The following FZD4 variants were observed in gnomAD, a reference collection of about 807,000 sequenced individuals.
FZD4 encodes the protein frizzled-4.
In FZD4, 16 loss-of-function variants were observed where a neutral mutation model predicts 37.3. The observed-to-expected ratio is 0.43, with a 90% CI of 0.29 to 0.65. The LOEUF is 0.65. FZD4 is among the 30% of genes least tolerant of loss of function. The pLI is 0.16. For missense variants in FZD4, 599 were observed against 674.3 expected (o/e 0.89, Z 1.24); for synonymous variants, 246 against 254.8 (o/e 0.97, Z 0.33).
In FZD4 at chr11:86,949,836, T is replaced by A. The variant is rs1417373744; in HGVS notation, c.*1306A>T. 3 of 152,658 alleles carry A rather than the reference T, an allele frequency of 2.0e-5. No individual in the cohort carries two copies. The highest frequency in any genetic ancestry group is 7.2e-5 in the African/African-American group (3 of 41,470). The allele number at this position is 152,658 out of a possible 1,614,324, so 9.5% of individuals were successfully genotyped here. On this transcript the variant is annotated 3_prime_UTR_variant, in exon 2 of 2. Coordinates refer to ENST00000531380, the MANE Select transcript of FZD4 (RefSeq NM_012193.4). The stretch of plus-strand genomic sequence containing the variant: ...ACCATATAAATACTCCAGGCCACAC[T>A]GCCTCCAGTGAAATCTTACAAGGAG...
rs995566875 is a variant in FZD4 at position 86,950,119 on chromosome 11, C to A, written c.*1023G>T. On this transcript the variant is annotated 3_prime_UTR_variant, in exon 2 of 2. Transcript: ENST00000531380. ...TGTGCTTTTAATTGTAATTGACACACAAAAATTACACAGCTAATCTGTGTG... is the reference window on the plus strand; with the variant it reads ...TGTGCTTTTAATTGTAATTGACACAAAAAAATTACACAGCTAATCTGTGTG... 1.3e-5 allele frequency: 2 copies of A among 152,554 alleles called. No individual in the cohort carries two copies. Among genetic ancestry groups the A allele is most frequent in the African/African-American group, 4.8e-5 (2 of 41,450 alleles). The allele number at this position is 152,554 out of a possible 1,614,324, so 9.5% of individuals were successfully genotyped here. A position where few individuals can be genotyped will look rare whatever the true frequency, so the allele number is the denominator to read the frequency against.
At position 86,950,644 on chromosome 11, in the gene FZD4, A is replaced by G. The variant is rs1949281882; in HGVS notation, c.*498T>C. ...AGAAGATGTTTATGTTACATCAGCC[A>G]AACTATAAAACTCTTGTAACACTTT... On this transcript the variant is annotated 3_prime_UTR_variant, in exon 2 of 2. Transcript: ENST00000531380. 1 of 191,688 alleles carries G rather than the reference A, an allele frequency of 5.2e-6. No homozygotes were observed. Among genetic ancestry groups the G allele is most frequent in the South Asian group, 1.1e-4 (1 of 9,166 alleles). The allele number at this position is 191,688 out of a possible 1,614,324, so 11.9% of individuals were successfully genotyped here.
chr11:86,951,320 A>C lies in FZD4; in HGVS notation c.1436T>G (p.Leu479Trp). The change falls in exon 2 of 2, where the codon TTG (leucine) becomes TGG (tryptophan). Residue 479 changes from leucine to tryptophan, a missense_variant. By Grantham distance (61) the Leu-to-Trp change is moderately conservative. Transcript: ENST00000531380. ...ADDSNMAVEM[L>W]KIFMSLLVGI... Reference sequence around the variant, plus strand: ...CACCAACAAAGACATAAAAATTTTCAACATTTCAACAGCCATGTTGGAATC... The same window carrying C: ...CACCAACAAAGACATAAAAATTTTCCACATTTCAACAGCCATGTTGGAATC... The C allele has an allele frequency of 6.2e-7, 1 of 1,614,134 alleles. No homozygotes were observed. The highest frequency in any genetic ancestry group is 8.5e-7 in the Non-Finnish European group (1 of 1,179,952).
Position 86,950,362 on chromosome 11 carries a change from G to A in FZD4, c.*780C>T, listed in dbSNP as rs972996837. 6.6e-6 allele frequency: 1 copy of A among 152,634 alleles called. No individual in the cohort carries two copies. Among genetic ancestry groups the A allele is most frequent in the African/African-American group, 2.4e-5 (1 of 41,424 alleles). The allele number at this position is 152,634 out of a possible 1,614,324, so 9.5% of individuals were successfully genotyped here. A position where few individuals can be genotyped will look rare whatever the true frequency, so the allele number is the denominator to read the frequency against. On this transcript the variant is annotated 3_prime_UTR_variant, in exon 2 of 2. Transcript: ENST00000531380. The stretch of plus-strand genomic sequence containing the variant: ...TCCTTTTCCCCTCTTTAAGCATGCT[G>A]CAGTACAAAAATTCTATAAAAATAC...
At position 86,955,306 on chromosome 11, in the gene FZD4, G is replaced by A; in HGVS notation, c.-221C>T. 1 of 422,258 alleles carries A rather than the reference G, an allele frequency of 2.4e-6. No individual in the cohort carries two copies. Among genetic ancestry groups the A allele is most frequent in the Non-Finnish European group, 4.1e-6 (1 of 242,378 alleles). 26.2% of individuals were successfully genotyped at this position (422,258 alleles called of 1,614,324 possible). The stretch of plus-strand genomic sequence containing the variant: ...CGAGGGACAGGCTGCGAGGGTCATG[G>A]CTGCAGGCGGCGAGCCCACAAGCCG... On this transcript the variant is annotated 5_prime_UTR_variant, in exon 1 of 2. Transcript: ENST00000531380.
intron 1 of FZD4, 130 bp from the exon 2 acceptor site, chr11:86,952,600 A>G: frequency 5.3e-6 from 5 of 951,544 alleles, no homozygotes; most frequent in Non-Finnish European, 8.2e-6. Context: ...ACCTATCGGG[A>G]GTCTGTCTGT....
Position 86,952,032 on chromosome 11 carries a change from G to A in FZD4, c.724C>T (p.Leu242=). The change falls in exon 2 of 2, where the codon CTG becomes TTG. Residue 242 remains leucine, a synonymous_variant. Coordinates refer to ENST00000531380, the MANE Select transcript of FZD4 (RefSeq NM_012193.4). ...ISTAFTVLTF[L]IDSSRFSYPE... ...TAGGAAAACCTAGAAGAATCGATCA[G>A]GAAGGTCAGTACTGTGAAGGCAGTG... 6.2e-7 allele frequency: 1 copy of A among 1,614,088 alleles called. No individual in the cohort carries two copies. The highest frequency in any genetic ancestry group is 8.5e-7 in the Non-Finnish European group (1 of 1,179,972).
Position 86,952,094 on chromosome 11 carries a change from A to C in FZD4, c.662T>G (p.Ile221Ser), listed in dbSNP as rs747931382. 13 of 1,614,106 alleles carry C rather than the reference A, an allele frequency of 8.1e-6. No homozygotes were observed. The highest frequency in any genetic ancestry group is 7.7e-5 in the South Asian group (7 of 91,070). ...CAGGCTGGCCCACACAGCCATCCAG[A>C]TATCAGTGAACTCCTTGGCTGAGCG... Reference protein sequence around the residue: ...YSRSAKEFTDIWMAVWASLCF... With the variant: ...YSRSAKEFTDSWMAVWASLCF... Residue 221 changes from isoleucine to serine, a missense_variant, in exon 2 of 2, where the codon ATC becomes AGC. Coordinates refer to ENST00000531380, the MANE Select transcript of FZD4 (RefSeq NM_012193.4).
chr11:86,953,801 G>A (rs1291726251), intron 1 of FZD4, among the ~76,000 whole-genome samples: 1 of 152,114 alleles, frequency 6.6e-6, no homozygotes, highest in Non-Finnish European at 1.5e-5. Context: ...ACTTTTAGTA[G>A]AGACAGGATT....
chr11:86,950,936 A>G lies in FZD4; in HGVS notation c.*206T>C, dbSNP rs530658595. 7 of 631,430 alleles carry G rather than the reference A, an allele frequency of 1.1e-5. No homozygotes were observed. Among genetic ancestry groups the G allele is most frequent in the Non-Finnish European group, 2.0e-5 (7 of 358,458 alleles). The allele number at this position is 631,430 out of a possible 1,614,324, so 39.1% of individuals were successfully genotyped here. A position where few individuals can be genotyped will look rare whatever the true frequency, so the allele number is the denominator to read the frequency against. Reference sequence around the variant, plus strand: ...TTGAAAGCCTCTAACTGGCTTTTCCATTTTGGATCATTCCAAAGTCTGCAG... The same window carrying G: ...TTGAAAGCCTCTAACTGGCTTTTCCGTTTTGGATCATTCCAAAGTCTGCAG... On this transcript the variant is annotated 3_prime_UTR_variant, in exon 2 of 2. Coordinates refer to ENST00000531380, the MANE Select transcript of FZD4 (RefSeq NM_012193.4).
intron 1 of FZD4, 189 bp downstream of exon 1, chr11:86,954,612 A>T (rs1188708976): frequency 1.0e-6 from 1 of 985,292 alleles, no homozygotes; most frequent in Non-Finnish European, 1.2e-6. Context: ...GTTCTTTCCC[A>T]GGCCAGATGA....
At position 86,951,601 on chromosome 11, in the gene FZD4, A is replaced by G. The variant is rs1464837675; in HGVS notation, c.1155T>C (p.Asp385=). 1.9e-6 allele frequency: 3 copies of G among 1,614,178 alleles called. No homozygotes were observed. Among genetic ancestry groups the G allele is most frequent in the Non-Finnish European group, 2.5e-6 (3 of 1,179,984 alleles). Residue 385 remains aspartate, a synonymous_variant, in exon 2 of 2, where the codon GAT becomes GAC. Transcript: ENST00000531380. ...GLCYVGNQNL[D]ALTGFVVAPL... ...GAGCCACCACGAACCCGGTGAGGGC[A>G]TCGAGATTTTGGTTTCCAACATAGC...
chr11:86,951,069 T>G lies in FZD4; in HGVS notation c.*73A>C. ...CAAACTGAGATTCACTGCATAAAAC[T>G]TTTAGTAGAATTTCCTCCAAAATGC... On this transcript the variant is annotated 3_prime_UTR_variant, in exon 2 of 2. Transcript: ENST00000531380. The G allele has an allele frequency of 6.6e-7, 1 of 1,525,304 alleles. No homozygotes were observed. The highest frequency in any genetic ancestry group is 9.1e-7 in the Non-Finnish European group (1 of 1,099,636). 94.5% of individuals were successfully genotyped at this position (1,525,304 alleles called of 1,614,324 possible).
intron 1 of FZD4, chr11:86,954,495 G>A (rs578240872): frequency 3.5e-5 from 34 of 985,158 alleles, no homozygotes; most frequent in South Asian, 9.4e-5. Context: ...GAGCAGTGGC[G>A]GCCAGAATCC....
chr11:86,945,726 G>C lies in FZD4; in HGVS notation c.*5416C>G, dbSNP rs998583849. 33 of 152,694 alleles carry C rather than the reference G, an allele frequency of 2.2e-4. No homozygotes were observed. The highest frequency in any genetic ancestry group is 7.7e-4 in the African/African-American group (32 of 41,550). 9.5% of individuals were successfully genotyped at this position (152,694 alleles called of 1,614,324 possible). On this transcript the variant is annotated 3_prime_UTR_variant, in exon 2 of 2. Coordinates refer to ENST00000531380, the MANE Select transcript of FZD4 (RefSeq NM_012193.4). ...CTTTAATACAAAATTAAATAGCAAG[G>C]GGTTTTCTTTGTACAGTGATAAATT... is the stretch of plus-strand genomic sequence containing the variant.
At position 86,951,811 on chromosome 11, in the gene FZD4, G is replaced by C. The variant is rs1283425300; in HGVS notation, c.945C>G (p.Ala315=). Residue 315 remains alanine, a synonymous_variant, in exon 2 of 2, where the codon GCC becomes GCG. Coordinates refer to ENST00000531380, the MANE Select transcript of FZD4 (RefSeq NM_012193.4). ...IFLLMYFFGM[A]SSIWWVILTL... ...TCAGAATAACCCACCAAATGGAGCT[G>C]GCCATTCCAAAAAAGTACATCAGCA... 6.2e-7 allele frequency: 1 copy of C among 1,613,760 alleles called. No individual in the cohort carries two copies. Among genetic ancestry groups the C allele is most frequent in the Non-Finnish European group, 8.5e-7 (1 of 1,179,926 alleles).
In FZD4 at chr11:86,955,095, CG is replaced by C. The variant is rs1949325385; in HGVS notation, c.-11del. ...CGCCCCGCCAGGCCATGGCCAGCAT[CG>C]GGGGTAGCAGCGGCAGCGGCTGGGG... On this transcript the variant is annotated 5_prime_UTR_variant, in exon 1 of 2. Coordinates refer to ENST00000531380, the MANE Select transcript of FZD4 (RefSeq NM_012193.4). 6.7e-7 allele frequency: 1 copy of C among 1,496,294 alleles called. No individual in the cohort carries two copies. The highest frequency in any genetic ancestry group is 8.9e-7 in the Non-Finnish European group (1 of 1,128,464). The allele number at this position is 1,496,294 out of a possible 1,614,324, so 92.7% of individuals were successfully genotyped here. A position where few individuals can be genotyped will look rare whatever the true frequency, so the allele number is the denominator to read the frequency against.
At position 86,948,818 on chromosome 11, in the gene FZD4, T is replaced by G. The variant is rs1949265489; in HGVS notation, c.*2324A>C. On this transcript the variant is annotated 3_prime_UTR_variant, in exon 2 of 2. Coordinates refer to ENST00000531380, the MANE Select transcript of FZD4 (RefSeq NM_012193.4). The stretch of plus-strand genomic sequence containing the variant: ...ATCACTGACACATTATGAAGAAAAC[T>G]GCATTACAAACCTCTATACTCTAAC... 1 of 152,554 alleles carries G rather than the reference T, an allele frequency of 6.6e-6. No individual in the cohort carries two copies. Among genetic ancestry groups the G allele is most frequent in the Non-Finnish European group, 1.5e-5 (1 of 68,038 alleles). 9.5% of individuals were successfully genotyped at this position (152,554 alleles called of 1,614,324 possible). A position where few individuals can be genotyped will look rare whatever the true frequency, so the allele number is the denominator to read the frequency against.
chr11:86,951,343 A>G lies in FZD4; in HGVS notation c.1413T>C (p.Asp471=), dbSNP rs1369957626. 6.2e-7 allele frequency: 1 copy of G among 1,613,788 alleles called. No individual in the cohort carries two copies. Among genetic ancestry groups the G allele is most frequent in the Admixed American group, 1.7e-5 (1 of 60,010 alleles). Residue 471 remains aspartate (D), a synonymous_variant, in exon 2 of 2, where the codon GAT becomes GAC. Transcript: ENST00000531380. ...NWALFRYSAD[D]SNMAVEMLKI... is the part of the protein sequence containing the mutation. The stretch of plus-strand genomic sequence containing the variant: ...TCAACATTTCAACAGCCATGTTGGA[A>G]TCATCTGCAGAATACCGAAAAAGTG...
Sources: gnomAD v4.1 joint callset for allele counts (sites outside exome capture counted in the v4.1 genomes callset) on GRCh38, gnomAD v4.1.1 for gene constraint, MANE v1.5 for transcripts, NCBI Gene and HGNC (gene_info 2026-07-23, HGNC 2026-07-21) for gene names.